Variants in TRAPPC9 observed in about 807,000 individuals in gnomAD.
TRAPPC9 encodes the protein trafficking protein particle complex subunit 9.
In TRAPPC9, 83 loss-of-function variants were observed where a neutral mutation model predicts 124.0. The ratio of observed to expected loss-of-function variants is 0.67; its 90% CI spans 0.56 to 0.80. The LOEUF (loss-of-function observed/expected upper bound fraction) is 0.80. Ranked by LOEUF, TRAPPC9 falls within the 30% of genes least tolerant of loss-of-function variation. TRAPPC9 has a pLI of 0.00. For synonymous variants in TRAPPC9, 638 were observed against 617.5 expected, an observed-to-expected ratio of 1.03 and a Z score of -0.49; for missense variants, 1,302 against 1,508.3, an observed-to-expected ratio of 0.86 and a Z score of 2.27.
At chr8:139,760,323 G>A (rs904627373) in intron 21 of TRAPPC9, among the ~76,000 whole-genome samples, 9 of 152,120 alleles carry the variant, frequency 5.9e-5, no homozygotes, top group African/African-American at 2.2e-4. Flanking sequence ...CAGACAGCTT[G>A]GAGAGGGCCC....
At chr8:139,733,394 C>T (rs1300815868) in intron 21 of TRAPPC9, among the ~76,000 whole-genome samples, 2 of 152,028 alleles carry the variant, frequency 1.3e-5, no homozygotes, top group Non-Finnish European at 2.9e-5. Flanking sequence ...ATCTGTTGTT[C>T]AAGTACCCAG....
Position 140,221,650 on chromosome 8 carries a change from G to A in TRAPPC9, c.2432-67C>T, listed in dbSNP as rs772323694. 9.7e-6 allele frequency: 15 copies of A among 1,552,746 alleles called. No homozygotes were observed. In the Admixed American group the frequency reaches 2.7e-4, roughly 28 times the overall value. ...GGTTTTGGGGTTTGTTGTTGTTGTT[G>A]TTGTTTGGGACGGGTCTCGCTCTGT... is the stretch of plus-strand genomic sequence containing the variant. On this transcript the variant is annotated intron_variant, in intron 16 of 22. Coordinates refer to ENST00000438773, the MANE Select transcript of TRAPPC9 (RefSeq NM_001160372.4).
At chr8:140,238,313 A>G (rs996543238) in intron 16 of TRAPPC9, 1 of 152,246 alleles carries the variant, frequency 6.6e-6, no homozygotes, top group Non-Finnish European at 1.5e-5. Context: ...CCTACAGGCT[A>G]ACAGTGGCTA....
intron 17 of TRAPPC9, among the ~76,000 whole-genome samples, chr8:140,108,611 G>A (rs2060709720): frequency 6.6e-6 from 1 of 152,242 alleles, no homozygotes; most frequent in South Asian, 2.1e-4. Context: ...TTGAAAGGAT[G>A]AAGCCTGTTT....
chr8:140,032,855 T>C (rs991707159), intron 17 of TRAPPC9, among the ~76,000 whole-genome samples: 1 of 152,226 alleles, frequency 6.6e-6, no homozygotes, highest in Non-Finnish European at 1.5e-5. Context: ...ACAGCCATGC[T>C]TGAGAGAGCA....
At chr8:140,346,419 G>T (rs2067351093) in intron 9 of TRAPPC9, among the ~76,000 whole-genome samples, 1 of 152,146 alleles carries the variant, frequency 6.6e-6, no homozygotes, top group Admixed American at 6.5e-5. Flanking sequence ...GCTCCTCCTT[G>T]TCCCTTATTA....
chr8:139,843,686 T>C (rs1440381648), intron 21 of TRAPPC9, among the ~76,000 whole-genome samples: 2 of 151,960 alleles, frequency 1.3e-5, no homozygotes, highest in Admixed American at 1.3e-4. Flanking sequence ...CTGGCTTTGG[T>C]GGAAGGGGCC....
intron 17 of TRAPPC9, among the ~76,000 whole-genome samples, chr8:140,106,504 G>A (rs1005305763): frequency 3.3e-4 from 50 of 152,284 alleles, no homozygotes; most frequent in African/African-American, 1.1e-3. Flanking sequence ...TGGATGTCAC[G>A]GCCTATGGGG....
chr8:139,830,660 C>T (rs546226054), intron 21 of TRAPPC9, among the ~76,000 whole-genome samples: 4 of 151,808 alleles, frequency 2.6e-5, no homozygotes, highest in African/African-American at 9.7e-5. Context: ...CATACACATA[C>T]GAATACACAT....
rs60714245 is a variant in TRAPPC9, at chr8:139,937,728, G to A, written c.2811-27428C>T. Among the ~76,000 whole-genome samples, 1,384 of 152,312 alleles carry A rather than the reference G, an allele frequency of 9.1e-3. 19 individuals are homozygous for A. The highest frequency in any genetic ancestry group is 0.031 in the African/African-American group (1,291 of 41,560). On this transcript the variant is annotated intron_variant, in intron 19 of 22. Transcript: ENST00000438773. ...TGAATGAAAACACTTGGAAGGCGCAGTGTGAAGCGGAAATGCGGACGCAAA... is the reference window on the plus strand; with the variant it reads ...TGAATGAAAACACTTGGAAGGCGCAATGTGAAGCGGAAATGCGGACGCAAA...
At chr8:140,439,275 T>C (rs1247953595) in intron 2 of TRAPPC9, 78 bp from the exon 3 acceptor site, 3 of 1,501,080 alleles carry the variant, frequency 2.0e-6, no homozygotes, top group East Asian at 4.5e-5. Context: ...CACTATTCAA[T>C]TCTCTCACTA....
intron 19 of TRAPPC9, among the ~76,000 whole-genome samples, chr8:139,957,340 G>A (rs1031597347): frequency 3.3e-5 from 5 of 152,204 alleles, no homozygotes; most frequent in African/African-American, 9.6e-5. Flanking sequence ...GGCACCTATC[G>A]GAGGGGAACA....
At chr8:140,167,286 A>G (rs2061857471) in intron 17 of TRAPPC9, among the ~76,000 whole-genome samples, 1 of 152,206 alleles carries the variant, frequency 6.6e-6, no homozygotes, top group Non-Finnish European at 1.5e-5. Context: ...CAATTAGGTA[A>G]AGGATTAATG....
At chr8:139,887,210 A>AT (rs1371483301) in intron 20 of TRAPPC9, among the ~76,000 whole-genome samples, 2 of 137,868 alleles carry the variant, frequency 1.5e-5, no homozygotes, top group Non-Finnish European at 3.1e-5. Context: ...CCTGTGTCCT[A>AT]TTTTAGCTTT....
chr8:139,911,166 C>A (rs938311110), intron 19 of TRAPPC9: 2 of 152,014 alleles, frequency 1.3e-5, no homozygotes, highest in African/African-American at 4.8e-5. Flanking sequence ...CCATACTGTT[C>A]TCAGGGTAGT....
chr8:140,249,486 T>A (rs1484518492), intron 16 of TRAPPC9, among the ~76,000 whole-genome samples: 1 of 152,124 alleles, frequency 6.6e-6, no homozygotes, highest in Non-Finnish European at 1.5e-5. Flanking sequence ...TTAAAGACAC[T>A]TCTTTTTAAT....
At chr8:140,451,895 C>T (rs1020406481) in intron 1 of TRAPPC9, among the ~76,000 whole-genome samples, 30 of 152,168 alleles carry the variant, frequency 2.0e-4, no homozygotes, top group African/African-American at 6.5e-4. Flanking sequence ...CCGAAGCTGG[C>T]GGATCACTTG....
intron 17 of TRAPPC9, among the ~76,000 whole-genome samples, chr8:140,161,671 G>A (rs559449689): frequency 2.0e-4 from 31 of 152,156 alleles, no homozygotes; most frequent in South Asian, 6.2e-4. Context: ...AAAAAGTTTC[G>A]GATTTGGCAG....
At chr8:140,340,274 C>T (rs907289489) in intron 9 of TRAPPC9, among the ~76,000 whole-genome samples, 2 of 152,236 alleles carry the variant, frequency 1.3e-5, no homozygotes, top group Non-Finnish European at 2.9e-5. Context: ...TAACAATCAC[C>T]TGCAGAGAAA....
Sources: allele counts gnomAD v4.1 joint callset (sites outside exome capture counted in the v4.1 genomes callset), GRCh38; gene constraint gnomAD v4.1.1; transcripts MANE v1.5; gene names NCBI Gene and HGNC (gene_info 2026-07-23, HGNC 2026-07-21).